VSTM2L: variants seen among roughly 807,000 people sequenced by gnomAD.
VSTM2L encodes V-set and transmembrane domain-containing protein 2-like protein.
In VSTM2L, 9 loss-of-function variants were observed where a neutral mutation model predicts 19.9. The ratio of observed to expected loss-of-function variants is 0.45; its 90% CI spans 0.27 to 0.79. VSTM2L has a LOEUF of 0.79. Ranked by LOEUF, VSTM2L falls within the 30% of genes least tolerant of loss-of-function variation. The pLI, the probability that VSTM2L is intolerant of heterozygous loss-of-function variation, is 0.15. For synonymous variants in VSTM2L, 127 were observed against 133.8 expected (o/e 0.95, Z 0.35); for missense variants, 286 against 295.5 (o/e 0.97, Z 0.24).
chr20:37,911,068 C>T (rs2072776736), intron 1 of VSTM2L, among the ~76,000 whole-genome samples: 1 of 151,454 alleles, frequency 6.6e-6, no homozygotes. Context: ...GTCAGGAGTT[C>T]AAGACCACCC....
intron 1 of VSTM2L, among the ~76,000 whole-genome samples, chr20:37,910,671 C>T (rs1383644736): frequency 6.6e-6 from 1 of 151,162 alleles, no homozygotes; most frequent in African/African-American, 2.4e-5. Context: ...CCCAATGACT[C>T]AGGAGGCTGG....
chr20:37,939,920 TGA>T (rs1326124257), intron 3 of VSTM2L, among the ~76,000 whole-genome samples: 3 of 152,148 alleles, frequency 2.0e-5, no homozygotes, highest in African/African-American at 4.8e-5. Flanking sequence ...CTCGTGTTCC[TGA>T]AGGCCACATC....
intron 1 of VSTM2L, among the ~76,000 whole-genome samples, chr20:37,913,182 G>A (rs945074125): frequency 2.2e-4 from 33 of 152,184 alleles, no homozygotes; most frequent in Non-Finnish European, 4.9e-4. Context: ...TACACTGGTG[G>A]TTACTAATTT....
intron 3 of VSTM2L, 149 bp from the exon 4 acceptor site, chr20:37,943,832 A>T: frequency 1.3e-6 from 1 of 777,462 alleles, no homozygotes; most frequent in Non-Finnish European, 2.0e-6. Context: ...TTGCTATTTA[A>T]CTCACTCTTG....
intron 1 of VSTM2L, among the ~76,000 whole-genome samples, chr20:37,907,009 A>G (rs2072755071): frequency 6.6e-6 from 1 of 152,192 alleles, no homozygotes; most frequent in Non-Finnish European, 1.5e-5. Context: ...GAAGCCTCAC[A>G]TGGCAGAGTC....
chr20:37,943,940 G>A (rs2072989886), intron 3 of VSTM2L, 41 bp from the exon 4 acceptor site: 2 of 992,454 alleles, frequency 2.0e-6, no homozygotes, highest in Middle Eastern at 2.8e-4. Context: ...CTCCCCCACT[G>A]TCACTGGATG....
chr20:37,919,663 C>G (rs1000558319), intron 1 of VSTM2L, among the ~76,000 whole-genome samples: 1 of 152,252 alleles, frequency 6.6e-6, no homozygotes, highest in Non-Finnish European at 1.5e-5. Flanking sequence ...CACACACACC[C>G]TTGTGGCCTT....
At chr20:37,903,585 G>A in intron 1 of VSTM2L, 114 bp downstream of exon 1, 1 of 1,302,694 alleles carries the variant, frequency 7.7e-7, no homozygotes, top group Non-Finnish European at 9.7e-7. Flanking sequence ...CGGGCATCCC[G>A]GGGCGCCCCC....
rs368447073 is a variant in VSTM2L at position 37,924,554 on chromosome 20, C to CAA, written c.122-7066_122-7065dup. Among the ~76,000 whole-genome samples, 110 of 90,044 alleles carry CAA rather than the reference C, an allele frequency of 1.2e-3. 1 individual carries two copies. The highest frequency in any genetic ancestry group is 5.8e-3 in the Middle Eastern group (1 of 172). 59.1% of individuals were successfully genotyped at this position (90,044 alleles called of 152,430 possible). A position where few individuals can be genotyped will look rare whatever the true frequency, so the allele number is the denominator to read the frequency against. On this transcript the variant is annotated intron_variant, in intron 1 of 3. Transcript: ENST00000373461. ...GGGTAACAAGAGTGAGACTCTGTCT[C>CAA]AAAAAAAAAAAAAAAACAAAACAAA... is the stretch of plus-strand genomic sequence containing the variant.
intron 3 of VSTM2L, among the ~76,000 whole-genome samples, chr20:37,935,409 T>C (rs994357031): frequency 6.6e-6 from 1 of 152,186 alleles, no homozygotes; most frequent in Non-Finnish European, 1.5e-5. Flanking sequence ...CTTTTCTCCA[T>C]GGCCTTCAGA....
At chr20:37,910,740 C>T (rs951842070) in intron 1 of VSTM2L, among the ~76,000 whole-genome samples, 1 of 148,860 alleles carries the variant, frequency 6.7e-6, no homozygotes, top group African/African-American at 2.6e-5. Flanking sequence ...ATAGTGGACC[C>T]TGTCTCTCAA....
chr20:37,936,779 A>G (rs1458923081), intron 3 of VSTM2L, among the ~76,000 whole-genome samples: 1 of 152,178 alleles, frequency 6.6e-6, no homozygotes, highest in Non-Finnish European at 1.5e-5. Flanking sequence ...TTGAAGGCAT[A>G]TATGAAAACG....
intron 1 of VSTM2L, among the ~76,000 whole-genome samples, chr20:37,907,290 A>G (rs1334968478): frequency 1.3e-5 from 2 of 152,074 alleles, no homozygotes; most frequent in African/African-American, 4.8e-5. Flanking sequence ...AATTTTTTGT[A>G]GAGATGAGAG....
At chr20:37,912,268 C>G (rs1017640780) in intron 1 of VSTM2L, among the ~76,000 whole-genome samples, 1 of 152,220 alleles carries the variant, frequency 6.6e-6, no homozygotes. Flanking sequence ...TGGGCAGGTG[C>G]TTTGTTCTGG....
chr20:37,904,575 G>T (rs1406290216), intron 1 of VSTM2L, among the ~76,000 whole-genome samples: 1 of 152,198 alleles, frequency 6.6e-6, no homozygotes, highest in Non-Finnish European at 1.5e-5. Context: ...GAAACCAAAG[G>T]AGACCTTTCT....
chr20:37,942,063 T>C (rs2072975403), intron 3 of VSTM2L, among the ~76,000 whole-genome samples: 1 of 152,184 alleles, frequency 6.6e-6, no homozygotes, highest in South Asian at 2.1e-4. Context: ...ACAGCAACTT[T>C]ATATTCAGGG....
At position 37,944,998 on chromosome 20, in the gene VSTM2L, C is replaced by T; in HGVS notation, c.*745C>T. ...GCACCAGCAGGACCCCTTTGAGGGC[C>T]TTCAAGGCTCTCCCAGGAGTCCCCC... On this transcript the variant is annotated 3_prime_UTR_variant, in exon 4 of 4. Coordinates refer to ENST00000373461, the MANE Select transcript of VSTM2L (RefSeq NM_080607.3). 1.0e-6 allele frequency: 1 copy of T among 985,794 alleles called. No homozygotes were observed. The highest frequency in any genetic ancestry group is 1.2e-6 in the Non-Finnish European group (1 of 829,966). 61.1% of individuals were successfully genotyped at this position (985,794 alleles called of 1,614,324 possible). A position where few individuals can be genotyped will look rare whatever the true frequency, so the allele number is the denominator to read the frequency against.
At chr20:37,907,897 C>T (rs1245719442) in intron 1 of VSTM2L, among the ~76,000 whole-genome samples, 3 of 152,190 alleles carry the variant, frequency 2.0e-5, no homozygotes, top group Non-Finnish European at 2.9e-5. Flanking sequence ...CTGGCTTCCT[C>T]GCATTCCTTA....
intron 2 of VSTM2L, 136 bp from the exon 3 acceptor site, chr20:37,933,403 C>T (rs542983784): frequency 2.0e-5 from 14 of 703,756 alleles, no homozygotes; most frequent in East Asian, 1.1e-4. Flanking sequence ...CCATGGCCCC[C>T]GAGCCTCATC....
Sources: gnomAD v4.1 joint callset for allele counts (sites outside exome capture counted in the v4.1 genomes callset) on GRCh38, gnomAD v4.1.1 for gene constraint, MANE v1.5 for transcripts, NCBI Gene and HGNC (gene_info 2026-07-23, HGNC 2026-07-21) for gene names.